The following STXBP4 variants were observed in gnomAD, a reference collection of about 807,000 sequenced individuals.
STXBP4 encodes the protein syntaxin binding protein 4, also known as syntaxin-binding protein 4.
A neutral mutation model predicts 76.1 loss-of-function variants in STXBP4; 55 were observed. That is an observed-to-expected ratio of 0.72 (90% confidence interval 0.58 to 0.91). STXBP4 has a LOEUF of 0.91. Ranked by LOEUF, STXBP4 falls within the 40% of genes least tolerant of loss-of-function variation. STXBP4 has a pLI of 0.00. For missense variants in STXBP4, 618 were observed against 636.9 expected (o/e 0.97, Z 0.32); for synonymous variants, 201 against 220.2 (o/e 0.91, Z 0.77).
chr17:54,989,374 C>T (rs571866285), intron 3 of STXBP4, among the ~76,000 whole-genome samples: 120 of 152,346 alleles, frequency 7.9e-4, no homozygotes, highest in Middle Eastern at 3.4e-3. Flanking sequence ...GGATTATAGG[C>T]ATGAGCCACC....
At chr17:55,157,180 T>A in intron 17 of STXBP4, among the ~76,000 whole-genome samples, 1 of 152,236 alleles carries the variant, frequency 6.6e-6, no homozygotes, top group Non-Finnish European at 1.5e-5. Flanking sequence ...TTATGGTTTC[T>A]TCTTTGGACT....
rs1013482805 is a variant in STXBP4, at chr17:55,166,139, C to T, written c.*6228C>T. The T allele has an allele frequency of 6.6e-6, 1 of 152,166 alleles. No individual in the cohort carries two copies. The highest frequency in any genetic ancestry group is 1.5e-5 in the Non-Finnish European group (1 of 68,032). 9.4% of individuals were successfully genotyped at this position (152,166 alleles called of 1,614,324 possible). A position where few individuals can be genotyped will look rare whatever the true frequency, so the allele number is the denominator to read the frequency against. On this transcript the variant is annotated 3_prime_UTR_variant, in exon 18 of 18. Transcript: ENST00000376352. ...TGTAGAGAGTGCTCCATTAAAGTAA[C>T]ACTTTTGTCCTGTCTCTGCTTCTTC... is the stretch of plus-strand genomic sequence containing the variant.
At chr17:55,092,550 C>T (rs117102515) in intron 16 of STXBP4, among the ~76,000 whole-genome samples, 7 of 152,210 alleles carry the variant, frequency 4.6e-5, no homozygotes, top group Non-Finnish European at 8.8e-5. Context: ...TTTTACTCAA[C>T]CAATTGAAAA....
intron 12 of STXBP4, among the ~76,000 whole-genome samples, chr17:55,051,574 G>C (rs2144779877): frequency 1.3e-5 from 2 of 152,224 alleles, no homozygotes; most frequent in Middle Eastern, 6.8e-3. Flanking sequence ...AAAAAGAAAA[G>C]ATAAAATAGA....
At chr17:54,979,023 A>C (rs1031767754) in intron 1 of STXBP4, among the ~76,000 whole-genome samples, 2 of 152,136 alleles carry the variant, frequency 1.3e-5, no homozygotes, top group South Asian at 2.1e-4. Context: ...ATTACTAACT[A>C]TTCTGTAATG....
intron 7 of STXBP4, among the ~76,000 whole-genome samples, chr17:55,004,015 T>C (rs1256182405): frequency 4.1e-5 from 6 of 146,650 alleles, no homozygotes; most frequent in Admixed American, 6.8e-5. Context: ...CTACTAAAAA[T>C]AGAAAAAAAA....
At chr17:55,195,677 C>T in the STXBP4 span, among the ~76,000 whole-genome samples, 1 of 152,158 alleles carries the variant, frequency 6.6e-6, no homozygotes, top group South Asian at 2.1e-4. Flanking sequence ...CTCCAGTGAT[C>T]CTCCCATCCT....
intron 16 of STXBP4, among the ~76,000 whole-genome samples, chr17:55,106,523 A>C (rs2079636985): frequency 6.6e-6 from 1 of 152,052 alleles, no homozygotes; most frequent in Non-Finnish European, 1.5e-5. Context: ...CTGGTTATTT[A>C]GCCTGTTAGT....
At chr17:55,181,146 G>T in the STXBP4 span, among the ~76,000 whole-genome samples, 2 of 152,090 alleles carry the variant, frequency 1.3e-5, no homozygotes, top group Non-Finnish European at 2.9e-5. Flanking sequence ...TCATCTGATT[G>T]TCACATAAGA....
At chr17:55,113,583 G>C (rs2079747929) in intron 16 of STXBP4, among the ~76,000 whole-genome samples, 1 of 151,980 alleles carries the variant, frequency 6.6e-6, no homozygotes, top group Non-Finnish European at 1.5e-5. Context: ...TATCATAAGA[G>C]GGAAAATGTT....
At chr17:55,144,064 T>G (rs2080124509) in intron 17 of STXBP4, among the ~76,000 whole-genome samples, 1 of 151,480 alleles carries the variant, frequency 6.6e-6, no homozygotes, top group South Asian at 2.1e-4. Context: ...TCACCACCTC[T>G]GTATCCTCAT....
intron 15 of STXBP4, among the ~76,000 whole-genome samples, chr17:55,079,306 A>G (rs2079227458): frequency 6.6e-6 from 1 of 152,168 alleles, no homozygotes; most frequent in African/African-American, 2.4e-5. Flanking sequence ...ATTTCAAACC[A>G]CAAGTTTATG....
Position 55,078,068 on chromosome 17 carries a change from C to A in STXBP4, c.1189-10C>A, listed in dbSNP as rs530714757. 5.1e-6 allele frequency: 8 copies of A among 1,554,458 alleles called. No individual in the cohort carries two copies. In the East Asian group the frequency reaches 1.6e-4, roughly 31 times the overall value. On this transcript the variant is annotated splice_polypyrimidine_tract_variant and intron_variant, in intron 13 of 17. Transcript: ENST00000376352. ...AATGTGTAAATGCTCCTTTTGATAT[C>A]TCTGTGCAGGAAAGTGTTCAGGATT...
chr17:55,066,198 GTTTTGT>G (rs1268211224), intron 12 of STXBP4, among the ~76,000 whole-genome samples: 5 of 74,744 alleles, frequency 6.7e-5, no homozygotes. Flanking sequence ...GGGTTTTGTT[GTTTTGT>G]TTTGTTTTGT....
chr17:55,002,742 G>C (rs537413800), intron 7 of STXBP4, among the ~76,000 whole-genome samples: 1 of 152,312 alleles, frequency 6.6e-6, no homozygotes, highest in African/African-American at 2.4e-5. Flanking sequence ...TCAGTGTTCA[G>C]GTTCTTGCTT....
chr17:55,141,823 C>T (rs1335709195), intron 17 of STXBP4, among the ~76,000 whole-genome samples: 1 of 152,022 alleles, frequency 6.6e-6, no homozygotes, highest in Non-Finnish European at 1.5e-5. Flanking sequence ...TGTTCCACGC[C>T]CTGCAGATAT....
Position 55,160,966 on chromosome 17 carries a change from C to T in STXBP4, c.*1055C>T, listed in dbSNP as rs143826549. 2.0e-5 allele frequency: 3 copies of T among 152,320 alleles called. No homozygotes were observed. The highest frequency in any genetic ancestry group is 4.8e-5 in the African/African-American group (2 of 41,562). 9.4% of individuals were successfully genotyped at this position (152,320 alleles called of 1,614,324 possible). On this transcript the variant is annotated 3_prime_UTR_variant, in exon 18 of 18. Transcript: ENST00000376352. ...GGGGAGCTGATGAGAAGAGAGGTATCTGTTAAAACATTACTGCTCTACTCG... is the reference window on the plus strand; with the variant it reads ...GGGGAGCTGATGAGAAGAGAGGTATTTGTTAAAACATTACTGCTCTACTCG...
downstream of STXBP4, among the ~76,000 whole-genome samples, chr17:55,176,212 TCAGC>T (rs2080430354): frequency 1.3e-5 from 2 of 152,056 alleles, no homozygotes; most frequent in Non-Finnish European, 2.9e-5. Context: ...GAAGGCAAAC[TCAGC>T]ACAGGGGAGG....
chr17:55,195,382 G>A, the STXBP4 span, among the ~76,000 whole-genome samples: 18 of 152,230 alleles, frequency 1.2e-4, no homozygotes, highest in South Asian at 1.9e-3. Context: ...ATAAGCCTTC[G>A]TAACAGTTTG....
Sources: gnomAD v4.1 joint callset for allele counts (sites outside exome capture counted in the v4.1 genomes callset) on GRCh38, gnomAD v4.1.1 for gene constraint, MANE v1.5 for transcripts, NCBI Gene and HGNC (gene_info 2026-07-23, HGNC 2026-07-21) for gene names.